The following TTN variants were observed in gnomAD, a reference collection of about 807,000 sequenced individuals.
The protein encoded by TTN is titin, also known as connectin.
In TTN, 1,525 loss-of-function variants were observed where a neutral mutation model predicts 3,223.0. The observed-to-expected ratio is 0.47, with a 90% CI of 0.45 to 0.49. The LOEUF is 0.49. TTN is among the 20% of genes least tolerant of loss of function. TTN has a pLI of 0.00. For missense variants in TTN, 40,786 were observed against 43,424.0 expected (o/e 0.94, Z 5.40); for synonymous variants, 14,094 against 15,161.0 (o/e 0.93, Z 5.17).
At chr2:178,805,163 TGAAA>T (rs1447137529) in intron 1 of TTN, among the ~76,000 whole-genome samples, 3 of 151,514 alleles carry the variant, frequency 2.0e-5, no homozygotes, top group Non-Finnish European at 2.9e-5. Context: ...GCTAACATGG[TGAAA>T]CCCCTGTCTC....
chr2:178,638,256 T>C (rs2060750257), intron 223 of TTN, among the ~76,000 whole-genome samples: 1 of 151,504 alleles, frequency 6.6e-6, no homozygotes, highest in Non-Finnish European at 1.5e-5. Context: ...TTTTTTTATG[T>C]CATTAAACAT....
chr2:178,586,607 T>A lies in TTN; in HGVS notation c.64294A>T (p.Lys21432Ter), dbSNP rs2049037215. 6.2e-7 allele frequency: 1 copy of A among 1,613,068 alleles called. No homozygotes were observed. The highest frequency in any genetic ancestry group is 1.7e-5 in the Admixed American group (1 of 59,962). Residue 21432 changes from lysine to a stop codon, truncating the protein, a stop_gained, in exon 308 of 363, where the codon AAG (lysine) becomes TAG (stop). Transcript: ENST00000589042. LOFTEE classifies it high-confidence loss of function. ...KDLSLVVTGL[K>*]EGKKYKFRVA... ...CTAAATTTGTATTTCTTTCCTTCCT[T>A]TAGGCCAGTGACAACAAGGCTCAGA...
rs1575399513 is a variant in TTN, at chr2:178,542,481, T to C, written c.97275A>G (p.Glu32425=). 2.5e-6 allele frequency: 4 copies of C among 1,613,016 alleles called. No homozygotes were observed. Among genetic ancestry groups the C allele is most frequent in the Admixed American group, 1.7e-5 (1 of 59,968 alleles). ...CACTCAGTGGAGCACCACCGTCCAA[T>C]TCAGGTGGTTCCCAGGAAATGGTAA... The part of the protein sequence containing the change: ...TSITISWEPP[E]LDGGAPLSGY... The change falls in exon 349 of 363, where the codon GAA becomes GAG. Residue 32425 remains glutamate (E), a synonymous_variant. Coordinates refer to ENST00000589042, the MANE Select transcript of TTN (RefSeq NM_001267550.2).
rs397517506 is a variant in TTN at position 178,718,856 on chromosome 2, C to T, written c.24344G>A (p.Ser8115Asn). ...PPFKVKWFKG[S>N]RELVPGESCN... ...TGACTCCCCAGGCACCAGTTCCCTG[C>T]TGCCTTTAAACCACTTGACCTTGAA... is the stretch of plus-strand genomic sequence containing the variant. The change falls in exon 84 of 363, where the codon AGC becomes AAC. Residue 8115 changes from serine (S) to asparagine (N), a missense_variant. By Grantham distance (46) the Ser-to-Asn change is conservative (BLOSUM62 1). Transcript: ENST00000589042. 75 of 1,613,594 alleles carry T rather than the reference C, an allele frequency of 4.6e-5. No individual in the cohort carries two copies. Among genetic ancestry groups the T allele is most frequent in the Admixed American group, 1.5e-4 (9 of 59,984 alleles).
chr2:178,730,707 C>A lies in TTN; in HGVS notation c.17826G>T (p.Val5942=). ...GGATGCTTATGGGATGTGACCCAGC[C>A]ACTATACATTCTAAATCAATGAAAG... ...KGSFIDLECI[V]AGSHPISIQW... is the part of the protein sequence containing the mutation. Residue 5942 remains valine, a synonymous_variant, in exon 61 of 363, where the codon GTG becomes GTT. Coordinates refer to ENST00000589042, the MANE Select transcript of TTN (RefSeq NM_001267550.2). 2 of 1,613,590 alleles carry A rather than the reference C, an allele frequency of 1.2e-6. No individual in the cohort carries two copies.
chr2:178,688,211 C>T lies in TTN; in HGVS notation c.32211G>A (p.Glu10737=), dbSNP rs747597729. 32 of 1,612,494 alleles carry T rather than the reference C, an allele frequency of 2.0e-5. No homozygotes were observed. The highest frequency in any genetic ancestry group is 1.6e-4 in the Middle Eastern group (1 of 6,080). Reference sequence around the variant, plus strand: ...CCTCCTCTTCTGAGTAACTCCATTCCTCCTCTGCAGATACTTTAAAAGATA... The same window carrying T: ...CCTCCTCTTCTGAGTAACTCCATTCTTCCTCTGCAGATACTTTAAAAGATA... ...EVTRHEVSAE[E]EWSYSEEEEG... The change falls in exon 127 of 363, where the codon GAG becomes GAA. Residue 10737 remains glutamate, a synonymous_variant. Transcript: ENST00000589042.
Position 178,625,358 on chromosome 2 carries a change from A to C in TTN, c.44463T>G (p.Thr14821=). The C allele has an allele frequency of 6.3e-7, 1 of 1,598,380 alleles. No individual in the cohort carries two copies. Among genetic ancestry groups the C allele is most frequent in the Admixed American group, 1.8e-5 (1 of 57,142 alleles). The change falls in exon 241 of 363, where the codon ACT becomes ACG. Residue 14821 remains threonine (T), a synonymous_variant. Transcript: ENST00000589042. ...CATCTTCTAACTTTACATCCCTCAG[A>C]GTAAGTGTATGAACTTTTCCTTCTG... ...PRSEGKVHTL[T]LRDVKLEDAG... is the part of the protein sequence containing the mutation.
rs764554139 is a variant in TTN at position 178,769,681 on chromosome 2, G to A, written c.8900C>T (p.Thr2967Ile). 7.4e-6 allele frequency: 12 copies of A among 1,612,794 alleles called. 1 individual carries two copies. In the South Asian group the frequency reaches 1.3e-4, roughly 18 times the overall value. Residue 2967 changes from threonine (T) to isoleucine (I), a missense_variant and splice_region_variant, in exon 37 of 363, where the codon ACC becomes ATC. Transcript: ENST00000589042. ...TATATATATATTTTTTAACTTACGG[G>A]TGACTGTCAGGGTGGCACTGACTTG... ...NDQVSATLTV[T>I]PIMITSMLKD...
chr2:178,802,416 ACTGCCTTGTCC>A, intron 2 of TTN, 75 bp from the exon 3 acceptor site: 2 of 1,516,262 alleles, frequency 1.3e-6, no homozygotes, highest in South Asian at 2.4e-5. Context: ...CATCATGTTC[ACTGCCTTGTCC>A]GAATCTGTAA....
intron 220 of TTN, 76 bp from the exon 221 acceptor site, chr2:178,640,706 T>G: frequency 8.0e-7 from 1 of 1,251,868 alleles, no homozygotes; most frequent in East Asian, 2.6e-5. Flanking sequence ...ATCAATTTAT[T>G]TTTCAAAAAC....
chr2:178,538,197 C>G, intron 354 of TTN: 1 of 482,184 alleles, frequency 2.1e-6, no homozygotes, highest in Non-Finnish European at 3.6e-6. Context: ...TAAATTCTCT[C>G]TATAATTCTG....
chr2:178,583,444 G>T, intron 312 of TTN, 163 bp downstream of exon 312: 1 of 880,446 alleles, frequency 1.1e-6, no homozygotes, highest in Non-Finnish European at 1.6e-6. Flanking sequence ...TTTTAATTTA[G>T]CATGTTATTA....
intron 223 of TTN, among the ~76,000 whole-genome samples, chr2:178,638,408 A>G (rs778670956): frequency 6.6e-6 from 1 of 151,348 alleles, no homozygotes; most frequent in Admixed American, 6.6e-5. Flanking sequence ...AGTTTTATTT[A>G]TTGATTTATT....
At chr2:178,673,597 G>A in intron 152 of TTN, 36 bp downstream of exon 152, 1 of 1,459,706 alleles carries the variant, frequency 6.9e-7, no homozygotes, top group South Asian at 1.5e-5. Context: ...AAATTAATGG[G>A]AAGTTAAAGA....
At chr2:178,545,767 C>T (rs1696793762) in intron 343 of TTN, 53 bp downstream of exon 343, 1 of 1,598,958 alleles carries the variant, frequency 6.3e-7, no homozygotes, top group Admixed American at 1.7e-5. Flanking sequence ...CCCTTCTCCC[C>T]CTGATTCTAT....
At chr2:178,749,189 C>T in intron 47 of TTN, 1 of 1,611,198 alleles carries the variant, frequency 6.2e-7, no homozygotes. Context: ...CTTTTCTGAT[C>T]TACCAAGTTT....
intron 355 of TTN, 32 bp downstream of exon 355, chr2:178,537,310 A>C: frequency 6.6e-7 from 1 of 1,522,804 alleles, no homozygotes; most frequent in Non-Finnish European, 8.8e-7. Flanking sequence ...TTTCTTTAAA[A>C]ATAAAAAGCA....
intron 235 of TTN, 44 bp downstream of exon 235, chr2:178,632,482 A>C: frequency 1.3e-6 from 2 of 1,578,590 alleles, no homozygotes; most frequent in South Asian, 2.4e-5. Flanking sequence ...AACTAAAGGC[A>C]AAAAAAATGA....
At position 178,556,876 on chromosome 2, in the gene TTN, T is replaced by A; in HGVS notation, c.88278A>T (p.Val29426=). 6.2e-7 allele frequency: 1 copy of A among 1,613,738 alleles called. No homozygotes were observed. Among genetic ancestry groups the A allele is most frequent in the Non-Finnish European group, 8.5e-7 (1 of 1,179,794 alleles). Reference sequence around the variant, plus strand: ...AAGAATCGATGCAAGTAATGGGCCCTACAACCTCAGATGGATTGCTAATGG... The same window carrying A: ...AAGAATCGATGCAAGTAATGGGCCCAACAACCTCAGATGGATTGCTAATGG... ...VGSISNPSEV[V]GPITCIDSYG... The change falls in exon 330 of 363, where the codon GTA becomes GTT. Residue 29426 remains valine (V), a synonymous_variant. Transcript: ENST00000589042.
Sources: gnomAD v4.1 joint callset for allele counts (sites outside exome capture counted in the v4.1 genomes callset) on GRCh38, gnomAD v4.1.1 for gene constraint, MANE v1.5 for transcripts, NCBI Gene and HGNC (gene_info 2026-07-23, HGNC 2026-07-21) for gene names.